The following LAMA1 variants were observed in gnomAD, a reference collection of about 807,000 sequenced individuals.
LAMA1 encodes laminin subunit alpha 1.
Under a neutral mutation model 348.7 loss-of-function variants are expected in LAMA1, and 219 were observed. The observed-to-expected ratio is 0.63, with a 90% confidence interval of 0.56 to 0.70. The LOEUF is 0.70. LAMA1 is among the 30% of genes least tolerant of loss of function. LAMA1 has a pLI of 0.00. For missense variants in LAMA1, 3,744 were observed against 3,888.0 expected (o/e 0.96, Z 0.99); for synonymous variants, 1,487 against 1,491.0 (o/e 1.00, Z 0.06).
rs1247798862 is a variant in LAMA1 at position 7,025,970 on chromosome 18, G to A, written c.2402+9C>T. 9 of 1,604,032 alleles carry A rather than the reference G, an allele frequency of 5.6e-6. No homozygotes were observed. Among genetic ancestry groups the A allele is most frequent in the African/African-American group, 2.7e-5 (2 of 74,796 alleles). On this transcript the variant is annotated intron_variant, in intron 17 of 62. Coordinates refer to ENST00000389658, the MANE Select transcript of LAMA1 (RefSeq NM_005559.4). ...CTGGCAGGAACCGCTGATGAGGTCC[G>A]AGGCTTACTTGTTGGAGGCTATGGT...
intron 1 of LAMA1, among the ~76,000 whole-genome samples, chr18:7,115,785 A>C (rs1598327360): frequency 7.8e-6 from 1 of 127,774 alleles, no homozygotes; most frequent in East Asian, 2.8e-4. Flanking sequence ...CCTGGCCAAT[A>C]TGGTGAAACC....
intron 1 of LAMA1, among the ~76,000 whole-genome samples, chr18:7,100,058 CAAAAAAAAAA>C (rs3038921): frequency 5.0e-5 from 4 of 79,674 alleles, no homozygotes; most frequent in Admixed American, 1.5e-4. Flanking sequence ...GACTTTGTCT[CAAAAAAAAAA>C]AAAAAAAAAA....
chr18:7,029,504 A>G (rs1374196754), intron 16 of LAMA1, among the ~76,000 whole-genome samples: 1 of 152,196 alleles, frequency 6.6e-6, no homozygotes, highest in East Asian at 1.9e-4. Flanking sequence ...AAGGAGTCAG[A>G]TAGTGCTTTC....
intron 3 of LAMA1, among the ~76,000 whole-genome samples, chr18:7,071,395 C>A (rs2058145405): frequency 6.6e-6 from 1 of 152,212 alleles, no homozygotes; most frequent in Non-Finnish European, 1.5e-5. Flanking sequence ...CTGTTAATAA[C>A]ATTCCTCTTT....
chr18:6,957,239 A>G (rs1018259689), intron 55 of LAMA1: 5 of 194,730 alleles, frequency 2.6e-5, no homozygotes, highest in African/African-American at 1.2e-4. Flanking sequence ...GTGCCTGCGC[A>G]CGTCCCCCTG....
At chr18:6,958,930 A>C (rs2057593990) in intron 54 of LAMA1, among the ~76,000 whole-genome samples, 1 of 151,900 alleles carries the variant, frequency 6.6e-6, no homozygotes, top group African/African-American at 2.4e-5. Context: ...TTTTTTTTTA[A>C]CCTCTTTACC....
intron 44 of LAMA1, 128 bp from the exon 45 acceptor site, chr18:6,976,208 T>TG (rs1489290853): frequency 2.2e-5 from 19 of 853,502 alleles, no homozygotes; most frequent in Non-Finnish European, 3.7e-5. Flanking sequence ...TAACATACAA[T>TG]GGTTCATGTT....
chr18:7,102,428 G>A (rs12955222), intron 1 of LAMA1, among the ~76,000 whole-genome samples: 72,157 of 150,804 alleles, frequency 0.48, 18,139 homozygotes, highest in African/African-American at 0.65. Flanking sequence ...TTAAAAAAAA[G>A]AAAAACCTCT....
chr18:7,103,944 C>T (rs1300766959), intron 1 of LAMA1, among the ~76,000 whole-genome samples: 1 of 152,036 alleles, frequency 6.6e-6, no homozygotes, highest in Non-Finnish European at 1.5e-5. Context: ...CCCCTCTGTC[C>T]GTCTGTCTGG....
intron 14 of LAMA1, 41 bp downstream of exon 14, chr18:7,034,438 G>T: frequency 7.1e-7 from 1 of 1,417,542 alleles, no homozygotes; most frequent in Non-Finnish European, 1.0e-6. Context: ...TAAAATGGAA[G>T]TACCTTCACC....
chr18:7,043,064 G>T, intron 8 of LAMA1, 163 bp downstream of exon 8: 1 of 673,752 alleles, frequency 1.5e-6, no homozygotes, highest in Non-Finnish European at 2.5e-6. Context: ...AGCAAGAAAA[G>T]CAGGATAGAG....
At position 7,002,317 on chromosome 18, in the gene LAMA1, A is replaced by G. The variant is rs768545483; in HGVS notation, c.4329T>C (p.Thr1443=). The G allele has an allele frequency of 6.2e-7, 1 of 1,613,720 alleles. No individual in the cohort carries two copies. The change falls in exon 30 of 63, where the codon ACT becomes ACC. Residue 1443 remains threonine, a synonymous_variant. Coordinates refer to ENST00000389658, the MANE Select transcript of LAMA1 (RefSeq NM_005559.4). ...VCTSGYYGKV[T]GSASDCALCA... is the part of the protein sequence containing the mutation. ...ACAGAGCACAGTCACTTGCTGAGCC[A>G]GTCACCTTCCCGTAGTAGCCAGAAG...
At position 7,002,399 on chromosome 18, in the gene LAMA1, T is replaced by C. The variant is rs1440976410; in HGVS notation, c.4261-14A>G. Reference sequence around the variant, plus strand: ...ATCGCCACAGTTCTGGGAGCCCACATTTAAAGGAAGGGGGAAAAAATGGGA... The same window carrying C: ...ATCGCCACAGTTCTGGGAGCCCACACTTAAAGGAAGGGGGAAAAAATGGGA... On this transcript the variant is annotated splice_polypyrimidine_tract_variant and intron_variant, in intron 29 of 62. Coordinates refer to ENST00000389658, the MANE Select transcript of LAMA1 (RefSeq NM_005559.4). The C allele has an allele frequency of 1.9e-6, 3 of 1,611,304 alleles. No individual in the cohort carries two copies. Among genetic ancestry groups the C allele is most frequent in the Non-Finnish European group, 2.5e-6 (3 of 1,179,652 alleles).
chr18:7,043,377 G>A lies in LAMA1; in HGVS notation c.1005C>T (p.Asp335=). The change falls in exon 8 of 63, where the codon GAC becomes GAT. Residue 335 remains aspartate, a synonymous_variant. Transcript: ENST00000389658. ...EACNCHNKAK[D]CYYDESVAKQ... ...TTGCAACACTTTCATCATAGTAACA[G>A]TCTTTGGCTTTATTGTGACAATTAC... 1 of 1,613,656 alleles carries A rather than the reference G, an allele frequency of 6.2e-7. No individual in the cohort carries two copies. The highest frequency in any genetic ancestry group is 1.3e-5 in the African/African-American group (1 of 75,032).
chr18:7,114,428 C>T (rs2058348027), intron 1 of LAMA1, among the ~76,000 whole-genome samples: 1 of 152,128 alleles, frequency 6.6e-6, no homozygotes, highest in African/African-American at 2.4e-5. Context: ...ATCCAGACTT[C>T]AAATTTCTAA....
chr18:6,971,459 C>A (rs2057657937), intron 48 of LAMA1, among the ~76,000 whole-genome samples: 1 of 152,098 alleles, frequency 6.6e-6, no homozygotes, highest in South Asian at 2.1e-4. Flanking sequence ...TTGGTTGTGG[C>A]TCTCTGAGAC....
At position 7,042,186 on chromosome 18, in the gene LAMA1, G is replaced by A; in HGVS notation, c.1220C>T (p.Ser407Phe). 6.2e-7 allele frequency: 1 copy of A among 1,612,856 alleles called. No individual in the cohort carries two copies. The highest frequency in any genetic ancestry group is 8.5e-7 in the Non-Finnish European group (1 of 1,179,342). Residue 407 changes from serine to phenylalanine, a missense_variant, in exon 9 of 63, where the codon TCT becomes TTT. By Grantham distance (155) the Ser-to-Phe change is radical. Coordinates refer to ENST00000389658, the MANE Select transcript of LAMA1 (RefSeq NM_005559.4). ...CNCDPVGSLS[S>F]VCIKDDLHSD... Reference sequence around the variant, plus strand: ...ATGGAGGTCATCCTTAATACAGACAGAACTGAGGGACCCCACAGGGTCACA... The same window carrying A: ...ATGGAGGTCATCCTTAATACAGACAAAACTGAGGGACCCCACAGGGTCACA...
chr18:7,066,256 C>T (rs191886605), intron 3 of LAMA1, among the ~76,000 whole-genome samples: 26 of 152,212 alleles, frequency 1.7e-4, no homozygotes, highest in African/African-American at 5.8e-4. Flanking sequence ...GGATACAAAT[C>T]GACACATTTT....
chr18:6,961,820 G>A (rs1414073123), intron 52 of LAMA1, 61 bp from the exon 53 acceptor site: 2 of 1,594,448 alleles, frequency 1.3e-6, no homozygotes, highest in East Asian at 2.2e-5. Context: ...ACCTTCCGTG[G>A]GGAGGACACT....
Sources: allele counts gnomAD v4.1 joint callset (sites outside exome capture counted in the v4.1 genomes callset), GRCh38; gene constraint gnomAD v4.1.1; transcripts MANE v1.5; gene names NCBI Gene and HGNC (gene_info 2026-07-23, HGNC 2026-07-21).